The following KRT80 variants were observed in gnomAD, a reference collection of about 807,000 sequenced individuals.
KRT80 encodes keratin 80.
KRT80 carries 36 observed loss-of-function variants against 51.5 expected under a neutral mutation model. The ratio of observed to expected loss-of-function variants is 0.70; its 90% CI spans 0.54 to 0.92. The LOEUF is 0.92. Among genes scored for constraint, KRT80 ranks in the 40% least tolerant of loss-of-function variants. The probability of loss-of-function intolerance (pLI) is 0.00; values close to 1 mark genes in which losing one functional copy is unlikely to be tolerated. For missense variants in KRT80, 566 were observed against 591.7 expected (o/e 0.96, Z 0.45); for synonymous variants, 235 against 248.3 (o/e 0.95, Z 0.50).
rs761055153 is a variant in KRT80, at chr12:52,171,733, G to C, written c.1179-20C>G. ...TCCATCCTGGGGGTGGGGGACGGGG[G>C]GGTGGGAGAGGGATATGATGGGATG... On this transcript the variant is annotated intron_variant, in intron 7 of 8. Transcript: ENST00000394815. The C allele has an allele frequency of 3.5e-6, 5 of 1,414,994 alleles. No individual in the cohort carries two copies. Among genetic ancestry groups the C allele is most frequent in the Admixed American group, 2.0e-5 (1 of 50,694 alleles). 87.7% of individuals were successfully genotyped at this position (1,414,994 alleles called of 1,614,324 possible). A position where few individuals can be genotyped will look rare whatever the true frequency, so the allele number is the denominator to read the frequency against.
intron 1 of KRT80, among the ~76,000 whole-genome samples, chr12:52,188,528 C>T (rs937120945): frequency 2.0e-5 from 3 of 152,242 alleles, no homozygotes; most frequent in East Asian, 3.8e-4. Context: ...GTTGAATCCC[C>T]GGCCTTCAGC....
Position 52,171,370 on chromosome 12 carries a change from G to T in KRT80, c.*28C>A. The T allele has an allele frequency of 6.4e-7, 1 of 1,557,010 alleles. No individual in the cohort carries two copies. Among genetic ancestry groups the T allele is most frequent in the East Asian group, 2.2e-5 (1 of 44,496 alleles). On this transcript the variant is annotated 3_prime_UTR_variant, in exon 9 of 9. Transcript: ENST00000394815. Reference sequence around the variant, plus strand: ...TAAGTCCCTCCTGCTGCAGTGGAGTGCCCTGGGGTTCCTGGGGTCCAGCCG... The same window carrying T: ...TAAGTCCCTCCTGCTGCAGTGGAGTTCCCTGGGGTTCCTGGGGTCCAGCCG...
In KRT80 at chr12:52,173,018, C is replaced by T. The variant is rs752483695; in HGVS notation, c.957+20G>A. ...CCCTGCTCTCCTCCCCGCCCCCAGGCGCGTCCCCCAGATACTCACATGGCT... is the reference window on the plus strand; with the variant it reads ...CCCTGCTCTCCTCCCCGCCCCCAGGTGCGTCCCCCAGATACTCACATGGCT... On this transcript the variant is annotated intron_variant, in intron 6 of 8. Transcript: ENST00000394815. 21 of 1,593,564 alleles carry T rather than the reference C, an allele frequency of 1.3e-5. No homozygotes were observed. The Admixed American group carries it at 2.2e-4, about 17-fold the overall frequency.
intron 1 of KRT80, among the ~76,000 whole-genome samples, chr12:52,189,937 C>G (rs756637689): frequency 1.3e-5 from 2 of 152,240 alleles, no homozygotes; most frequent in Non-Finnish European, 1.5e-5. Flanking sequence ...AGGGAGAAAA[C>G]CACCCATCTG....
Position 52,191,731 on chromosome 12 carries a change from C to A in KRT80, c.172G>T (p.Val58Leu). The change falls in exon 1 of 9, where the codon GTG becomes TTG. Residue 58 changes from valine (V) to leucine (L), a missense_variant. Coordinates refer to ENST00000394815, the MANE Select transcript of KRT80 (RefSeq NM_182507.3). The stretch of plus-strand genomic sequence containing the variant: ...ACCAGCAGGCCGGGGTTCACAGTCA[C>A]CTTGGAGATAGTGCCAGCCGACCAG... ...GCWSAGTISK[V>L]TVNPGLLVPL... The A allele has an allele frequency of 6.2e-7, 1 of 1,613,768 alleles. No homozygotes were observed. Among genetic ancestry groups the A allele is most frequent in the Non-Finnish European group, 8.5e-7 (1 of 1,179,928 alleles).
Position 52,173,608 on chromosome 12 carries a change from G to A in KRT80, c.823C>T (p.Arg275Trp), listed in dbSNP as rs750124096. 6 of 1,612,306 alleles carry A rather than the reference G, an allele frequency of 3.7e-6. No individual in the cohort carries two copies. The highest frequency in any genetic ancestry group is 1.1e-5 in the South Asian group (1 of 91,060). Reference protein sequence around the residue: ...RSLEEAEAYSRSQLEEQAARS... With the variant: ...RSLEEAEAYSWSQLEEQAARS... ...TGTGTGGTCAGCCCCACCTGGCTCC[G>A]AGAGTATGCCTCGGCCTCCTCCAGG... The change falls in exon 5 of 9, where the codon CGG becomes TGG. Residue 275 changes from arginine (R) to tryptophan (W), a missense_variant. Arg to Trp is a moderately radical substitution (Grantham distance 101). Transcript: ENST00000394815.
At chr12:52,190,482 C>T (rs898037511) in intron 1 of KRT80, among the ~76,000 whole-genome samples, 9 of 152,232 alleles carry the variant, frequency 5.9e-5, no homozygotes, top group African/African-American at 1.9e-4. Context: ...CTCTGCCCCT[C>T]TCTGTGAGCT....
chr12:52,174,206 G>A (rs1325960197), intron 4 of KRT80, among the ~76,000 whole-genome samples: 1 of 152,184 alleles, frequency 6.6e-6, no homozygotes, highest in Admixed American at 6.5e-5. Flanking sequence ...CCCACTGGAC[G>A]AGCAGCTCCT....
intron 4 of KRT80, among the ~76,000 whole-genome samples, chr12:52,176,084 C>G (rs1157339183): frequency 6.6e-6 from 1 of 152,164 alleles, no homozygotes; most frequent in Admixed American, 6.5e-5. Context: ...ACTTCCCAGT[C>G]AGGGTGAAAA....
chr12:52,178,268 C>T (rs866135202), intron 4 of KRT80, among the ~76,000 whole-genome samples: 36 of 152,214 alleles, frequency 2.4e-4, no homozygotes, highest in African/African-American at 8.2e-4. Flanking sequence ...TTTGCCACCC[C>T]GCCCCAGTGC....
rs777957613 is a variant in KRT80 at position 52,185,402 on chromosome 12, C to A, written c.486G>T (p.Glu162Asp). ...QLEANLLQVL[E>D]KVEEFRIRYE... ...ACCTGATTCGAAACTCCTCAACCTT[C>A]TCCAGCACCTGCAGCAGGTTGGCCT... The change falls in exon 2 of 9, where the codon GAG becomes GAT. Residue 162 changes from glutamate to aspartate, a missense_variant. Coordinates refer to ENST00000394815, the MANE Select transcript of KRT80 (RefSeq NM_182507.3). The A allele has an allele frequency of 4.3e-6, 7 of 1,613,836 alleles. No homozygotes were observed. The highest frequency in any genetic ancestry group is 1.7e-5 in the Admixed American group (1 of 60,030).
intron 1 of KRT80, among the ~76,000 whole-genome samples, chr12:52,187,619 G>A (rs1201998781): frequency 3.3e-5 from 5 of 152,154 alleles, no homozygotes; most frequent in Non-Finnish European, 7.3e-5. Flanking sequence ...CGGTATTTGC[G>A]GGCTGCCATT....
intron 1 of KRT80, 155 bp from the exon 2 acceptor site, chr12:52,185,742 C>A: frequency 6.9e-7 from 1 of 1,441,624 alleles, no homozygotes; most frequent in Non-Finnish European, 9.3e-7. Flanking sequence ...AAAGCACCTC[C>A]AATGACTGAT....
At chr12:52,172,458 G>A (rs890203054) in intron 6 of KRT80, 40 bp from the exon 7 acceptor site, 29 of 1,574,080 alleles carry the variant, frequency 1.8e-5, no homozygotes, top group Non-Finnish European at 2.4e-5. Flanking sequence ...CTGTGAGCAG[G>A]GGAAGGAGGA....
intron 4 of KRT80, among the ~76,000 whole-genome samples, chr12:52,179,827 G>C (rs925370119): frequency 6.6e-6 from 1 of 152,164 alleles, no homozygotes; most frequent in Non-Finnish European, 1.5e-5. Context: ...TTTAGCTCAG[G>C]AGTGTCACCC....
intron 6 of KRT80, among the ~76,000 whole-genome samples, chr12:52,172,737 G>A (rs1325489552): frequency 6.6e-6 from 1 of 152,206 alleles, no homozygotes; most frequent in Non-Finnish European, 1.5e-5. Flanking sequence ...CCTCCTCTCT[G>A]TGTAGTTGGT....
At chr12:52,181,347 G>T (rs772228071) in intron 2 of KRT80, among the ~76,000 whole-genome samples, 3 of 152,056 alleles carry the variant, frequency 2.0e-5, no homozygotes, top group Non-Finnish European at 2.9e-5. Flanking sequence ...ACTCAAGTCC[G>T]CTGGGAGCAT....
At position 52,191,793 on chromosome 12, in the gene KRT80, G is replaced by A. The variant is rs771463710; in HGVS notation, c.110C>T (p.Pro37Leu). The A allele has an allele frequency of 1.2e-6, 2 of 1,609,788 alleles. No homozygotes were observed. The highest frequency in any genetic ancestry group is 1.7e-6 in the Non-Finnish European group (2 of 1,178,402). The change falls in exon 1 of 9, where the codon CCC (proline) becomes CTC (leucine). Residue 37 changes from proline to leucine, a missense_variant. Coordinates refer to ENST00000394815, the MANE Select transcript of KRT80 (RefSeq NM_182507.3). ...GCTGCGGGAGCTGAAGCCCGGCCCG[G>A]GGGCCCTGCAGCTGTCCCATCCTGA... ...GTSGWDSCRA[P>L]GPGFSSRSLT...
intron 7 of KRT80, 147 bp downstream of exon 7, chr12:52,172,051 C>G (rs1941113814): frequency 1.3e-6 from 1 of 797,632 alleles, no homozygotes. Context: ...GGGCCAAGGT[C>G]CCAGTTTGTA....
Sources: allele counts gnomAD v4.1 joint callset (sites outside exome capture counted in the v4.1 genomes callset), GRCh38; gene constraint gnomAD v4.1.1; transcripts MANE v1.5; gene names NCBI Gene and HGNC (gene_info 2026-07-23, HGNC 2026-07-21).